Variants in ADGRL3 observed in about 807,000 individuals in gnomAD.
ADGRL3 encodes the protein calcium-independent alpha-latrotoxin receptor 3.
Under a neutral mutation model 153.5 loss-of-function variants are expected in ADGRL3, and 62 were observed. The ratio of observed to expected loss-of-function variants is 0.40; its 90% CI spans 0.33 to 0.50. The LOEUF is 0.50. ADGRL3 is among the 20% of genes least tolerant of loss of function. ADGRL3 has a pLI of 0.47. For synonymous variants in ADGRL3, 710 were observed against 672.5 expected (o/e 1.06, Z -0.86); for missense variants, 1,641 against 1,859.4 (o/e 0.88, Z 2.16).
intron 5 of ADGRL3, among the ~76,000 whole-genome samples, chr4:61,609,033 G>C (rs1398270313): frequency 1.3e-5 from 2 of 152,076 alleles, no homozygotes; most frequent in Non-Finnish European, 2.9e-5. Flanking sequence ...CATTCAGTTA[G>C]AATGGGAGAT....
At chr4:61,714,906 C>A (rs966711470) in intron 6 of ADGRL3, among the ~76,000 whole-genome samples, 1 of 152,074 alleles carries the variant, frequency 6.6e-6, no homozygotes, top group Non-Finnish European at 1.5e-5. Flanking sequence ...TAGGGGATCC[C>A]AAACTGGAAT....
intron 9 of ADGRL3, among the ~76,000 whole-genome samples, chr4:61,878,276 C>G (rs2098487534): frequency 2.0e-5 from 3 of 152,128 alleles, no homozygotes; most frequent in Non-Finnish European, 4.4e-5. Flanking sequence ...ACTAAAGTCA[C>G]ATTCTGAAGT....
rs566872484 is a variant in ADGRL3 at position 61,289,585 on chromosome 4, TG to T, written c.-240+87821del. Among the ~76,000 whole-genome samples, 3 of 152,152 alleles carry T rather than the reference TG, an allele frequency of 2.0e-5. No homozygotes were observed. The South Asian group carries it at 6.2e-4, about 32-fold the overall frequency. On this transcript the variant is annotated intron_variant, in intron 1 of 26. Transcript: ENST00000683033. ...ATTTAGAGTTAAGATCTAAGGTAAT[TG>T]TTTTTTTCTCTCTTACGCCATCAGA...
intron 17 of ADGRL3, among the ~76,000 whole-genome samples, chr4:61,950,150 AT>A: frequency 6.6e-6 from 1 of 152,298 alleles, no homozygotes; most frequent in African/African-American, 2.4e-5. Flanking sequence ...AATAACATGT[AT>A]TTTTAACCAT....
At chr4:61,540,870 A>C (rs1238136708) in intron 4 of ADGRL3, among the ~76,000 whole-genome samples, 1 of 152,226 alleles carries the variant, frequency 6.6e-6, no homozygotes, top group East Asian at 1.9e-4. Flanking sequence ...TTGGGTATAC[A>C]AAAGAAGTTA....
At chr4:61,423,529 AG>A (rs1050552700) in intron 2 of ADGRL3, among the ~76,000 whole-genome samples, 2 of 152,206 alleles carry the variant, frequency 1.3e-5, no homozygotes, top group Non-Finnish European at 2.9e-5. Context: ...GCCTTGATGA[AG>A]GTATAGGGAG....
At chr4:61,411,742 G>A (rs981452731) in intron 2 of ADGRL3, among the ~76,000 whole-genome samples, 1 of 152,084 alleles carries the variant, frequency 6.6e-6, no homozygotes, top group South Asian at 2.1e-4. Flanking sequence ...TCATGCACAT[G>A]TTAGGCTGAG....
chr4:61,305,104 C>T (rs2150402575), intron 1 of ADGRL3, among the ~76,000 whole-genome samples: 2 of 151,822 alleles, frequency 1.3e-5, no homozygotes, highest in African/African-American at 4.8e-5. Context: ...AAGCCTGGTG[C>T]CTTGCATAAA....
At chr4:61,422,631 T>C (rs774539667) in intron 2 of ADGRL3, among the ~76,000 whole-genome samples, 8 of 152,102 alleles carry the variant, frequency 5.3e-5, no homozygotes, top group Non-Finnish European at 1.2e-4. Context: ...TTGAGACTAA[T>C]GTAGATGTTT....
chr4:61,881,230 G>C (rs1307367329), intron 9 of ADGRL3, among the ~76,000 whole-genome samples: 2 of 152,058 alleles, frequency 1.3e-5, no homozygotes, highest in East Asian at 3.9e-4. Context: ...ATATAACAAA[G>C]ATGAATGCAT....
intron 8 of ADGRL3, among the ~76,000 whole-genome samples, chr4:61,776,208 G>A (rs1006102983): frequency 1.3e-5 from 2 of 152,050 alleles, no homozygotes; most frequent in Non-Finnish European, 2.9e-5. Context: ...CCCTGAAGCC[G>A]AATCTTAAAC....
intron 8 of ADGRL3, among the ~76,000 whole-genome samples, chr4:61,804,010 A>G (rs947321940): frequency 2.6e-5 from 4 of 152,176 alleles, no homozygotes; most frequent in Non-Finnish European, 4.4e-5. Context: ...AAACAATTCC[A>G]ATTTCTCAGG....
intron 17 of ADGRL3, among the ~76,000 whole-genome samples, chr4:61,955,318 GA>G (rs1423481741): frequency 1.3e-5 from 2 of 151,954 alleles, no homozygotes; most frequent in Non-Finnish European, 2.9e-5. Context: ...TTGTACCTCA[GA>G]TATGTTCTTC....
intron 2 of ADGRL3, among the ~76,000 whole-genome samples, chr4:61,387,822 T>C (rs1444346124): frequency 6.6e-6 from 1 of 152,078 alleles, no homozygotes; most frequent in Non-Finnish European, 1.5e-5. Flanking sequence ...CTGACAGGAT[T>C]AAGAGATTAA....
intron 8 of ADGRL3, among the ~76,000 whole-genome samples, chr4:61,771,339 A>G (rs1438799112): frequency 6.6e-6 from 1 of 152,176 alleles, no homozygotes. Flanking sequence ...AGCAAGCTGG[A>G]TAACTCCTTT....
At chr4:62,028,070 C>T (rs1489915406) in intron 21 of ADGRL3, among the ~76,000 whole-genome samples, 1 of 151,660 alleles carries the variant, frequency 6.6e-6, no homozygotes, top group Non-Finnish European at 1.5e-5. Flanking sequence ...AACTATCTTG[C>T]CTCTGGCAAG....
intron 1 of ADGRL3, among the ~76,000 whole-genome samples, chr4:61,279,172 TA>T (rs1400980637): frequency 6.6e-6 from 1 of 152,200 alleles, no homozygotes; most frequent in East Asian, 1.9e-4. Flanking sequence ...GCAGATACTT[TA>T]AAAATATGGA....
chr4:61,850,952 G>A (rs1049859387), intron 9 of ADGRL3, among the ~76,000 whole-genome samples: 12 of 152,048 alleles, frequency 7.9e-5, no homozygotes, highest in Non-Finnish European at 1.3e-4. Flanking sequence ...TTCCCCAATG[G>A]CATTACCTTA....
Position 61,522,959 on chromosome 4 carries a change from C to A in ADGRL3, c.259+5441C>A, listed in dbSNP as rs335320. On this transcript the variant is annotated intron_variant, in intron 4 of 26. Coordinates refer to ENST00000683033, the MANE Select transcript of ADGRL3 (RefSeq NM_001387552.1). ...TTAAACATTTGTTGTAGCATTGAATCCAAGTGATTTTCCCCCACTTTCACT... is the reference window on the plus strand; with the variant it reads ...TTAAACATTTGTTGTAGCATTGAATACAAGTGATTTTCCCCCACTTTCACT... Among the ~76,000 whole-genome samples, 557 of 152,140 alleles carry A rather than the reference C, an allele frequency of 3.7e-3. 8 individuals are homozygous for A. The highest frequency in any genetic ancestry group is 0.013 in the African/African-American group (531 of 41,528).
Sources: gnomAD v4.1 joint callset for allele counts (sites outside exome capture counted in the v4.1 genomes callset) on GRCh38, gnomAD v4.1.1 for gene constraint, MANE v1.5 for transcripts, NCBI Gene and HGNC (gene_info 2026-07-23, HGNC 2026-07-21) for gene names.